CNTLN: variants seen among roughly 807,000 people sequenced by gnomAD.
The protein encoded by CNTLN is centlein, centrosomal protein.
CNTLN carries 212 observed loss-of-function variants against 180.0 expected under a neutral mutation model. The ratio of observed to expected loss-of-function variants is 1.18; its 90% CI spans 1.05 to 1.32. CNTLN has a LOEUF of 1.32. CNTLN is among the 40% of genes most tolerant of loss of function. The probability of loss-of-function intolerance (pLI) is 0.00; values close to 1 mark genes in which losing one functional copy is unlikely to be tolerated. For synonymous variants in CNTLN, 722 were observed against 563.1 expected (o/e 1.28, Z -3.99); for missense variants, 2,095 against 1,610.9 (o/e 1.30, Z -5.14).
the CNTLN span, among the ~76,000 whole-genome samples, chr9:17,518,901 A>C: frequency 6.6e-6 from 1 of 152,196 alleles, no homozygotes; most frequent in Non-Finnish European, 1.5e-5. Flanking sequence ...ATAAGAAATA[A>C]GCTTCTGCTG....
At chr9:17,322,868 T>C (rs766548976) in intron 8 of CNTLN, among the ~76,000 whole-genome samples, 3 of 152,208 alleles carry the variant, frequency 2.0e-5, no homozygotes, top group Non-Finnish European at 4.4e-5. Context: ...TTGTAAAATA[T>C]AAAACCTATG....
In CNTLN at chr9:17,325,799, G is replaced by A. The variant is rs190166327; in HGVS notation, c.1342-4833G>A. Among the ~76,000 whole-genome samples, 676 of 151,778 alleles carry A rather than the reference G, an allele frequency of 4.5e-3. 2 individuals are homozygous for A. Among genetic ancestry groups the A allele is most frequent in the African/African-American group, 0.015 (631 of 41,418 alleles). On this transcript the variant is annotated intron_variant, in intron 8 of 25. Transcript: ENST00000380647. ...GGAACTAAACACTTTTTTGCTAAAT[G>A]CTAATTATTATCATCATTGCAATGT...
chr9:17,302,809 A>G (rs1818464392), intron 7 of CNTLN, among the ~76,000 whole-genome samples: 1 of 152,236 alleles, frequency 6.6e-6, no homozygotes, highest in South Asian at 2.1e-4. Context: ...GAAACAAAAT[A>G]CAAGTGAGAA....
chr9:17,490,562 G>C (rs981940316), intron 25 of CNTLN, among the ~76,000 whole-genome samples: 6 of 152,000 alleles, frequency 3.9e-5, no homozygotes, highest in Non-Finnish European at 8.8e-5. Flanking sequence ...CAGTATGTTT[G>C]TGGTTGCCAG....
intron 6 of CNTLN, among the ~76,000 whole-genome samples, chr9:17,296,229 GACCTCAGGTGATCCATCT>G (rs1229710107): frequency 2.0e-5 from 3 of 152,108 alleles, no homozygotes; most frequent in East Asian, 3.9e-4. Flanking sequence ...TCGAACTCCT[GACCTCAGGTGATCCATCT>G]ACCTCAGGTG....
At position 17,165,446 on chromosome 9, in the gene CNTLN, A is replaced by G. The variant is rs571786154; in HGVS notation, c.449+22070A>G. Among the ~76,000 whole-genome samples the G allele has an allele frequency of 4.6e-5, 7 of 152,314 alleles. 1 individual carries two copies. In the South Asian group the frequency reaches 1.4e-3, roughly 32 times the overall value. On this transcript the variant is annotated intron_variant, in intron 2 of 25. Transcript: ENST00000380647. ...ATGTAAGGTGAATTGATAAGTGGTA[A>G]CTGACTTAGCAGAATGGGGAAAGTT...
chr9:17,367,048 C>T (rs1823885216), intron 13 of CNTLN, among the ~76,000 whole-genome samples: 1 of 152,182 alleles, frequency 6.6e-6, no homozygotes, highest in Non-Finnish European at 1.5e-5. Flanking sequence ...GGTGAGCACT[C>T]ACAGTACCTG....
At chr9:17,177,441 G>A (rs1416576869) in intron 2 of CNTLN, among the ~76,000 whole-genome samples, 1 of 152,124 alleles carries the variant, frequency 6.6e-6, no homozygotes, top group African/African-American at 2.4e-5. Context: ...GTTTCTTGAA[G>A]TGGAAATGTG....
chr9:17,171,301 A>G (rs908374047), intron 2 of CNTLN, among the ~76,000 whole-genome samples: 2 of 152,150 alleles, frequency 1.3e-5, no homozygotes, highest in Non-Finnish European at 2.9e-5. Context: ...GACTTTACAC[A>G]TTGATTTCAG....
chr9:17,409,663 A>G (rs1827687801), intron 16 of CNTLN, among the ~76,000 whole-genome samples, 190 bp downstream of exon 16: 1 of 152,122 alleles, frequency 6.6e-6, no homozygotes, highest in African/African-American at 2.4e-5. Flanking sequence ...TTTTTCATAG[A>G]CGAAAATAAA....
At chr9:17,187,555 CAAAT>C (rs1821508891) in intron 2 of CNTLN, among the ~76,000 whole-genome samples, 1 of 151,864 alleles carries the variant, frequency 6.6e-6, no homozygotes, top group South Asian at 2.1e-4. Flanking sequence ...TTTTTCTGTG[CAAAT>C]AAATTATTTA....
chr9:17,517,584 T>C, the CNTLN span, among the ~76,000 whole-genome samples: 1 of 151,884 alleles, frequency 6.6e-6, no homozygotes, highest in South Asian at 2.1e-4. Context: ...AAGAGGACCA[T>C]GTGCAGACGG....
chr9:17,296,670 C>A (rs1397745598), intron 6 of CNTLN, among the ~76,000 whole-genome samples: 2 of 152,012 alleles, frequency 1.3e-5, no homozygotes, highest in African/African-American at 4.8e-5. Context: ...TTTTCCCCTC[C>A]TCTTGTATTA....
chr9:17,332,782 C>A (rs1297235719), intron 10 of CNTLN, 52 bp downstream of exon 10: 4 of 1,440,606 alleles, frequency 2.8e-6, no homozygotes, highest in South Asian at 2.9e-5. Flanking sequence ...TAAAAATATA[C>A]CAAAGTAAAC....
At chr9:17,308,926 T>G (rs1258678544) in intron 7 of CNTLN, 132 bp from the exon 8 acceptor site, 2 of 418,700 alleles carry the variant, frequency 4.8e-6, no homozygotes, top group African/African-American at 4.1e-5. Flanking sequence ...TCTCTGAGAC[T>G]ATTAAAATAA....
intron 2 of CNTLN, among the ~76,000 whole-genome samples, chr9:17,188,270 T>C (rs1458573713): frequency 6.6e-6 from 1 of 151,966 alleles, no homozygotes; most frequent in East Asian, 1.9e-4. Context: ...CACGTTTAGA[T>C]TTGTTATTTG....
At position 17,366,623 on chromosome 9, in the gene CNTLN, T is replaced by C. The variant is rs758160445; in HGVS notation, c.1893T>C (p.Asn631=). 6.1e-6 allele frequency: 9 copies of C among 1,485,708 alleles called. 1 individual carries two copies. In the South Asian group the frequency reaches 1.1e-4, roughly 18 times the overall value. The allele number at this position is 1,485,708 out of a possible 1,614,324, so 92.0% of individuals were successfully genotyped here. The change falls in exon 13 of 26, where the codon AAT becomes AAC. Residue 631 remains asparagine (N), a synonymous_variant. Transcript: ENST00000380647. ...ENQELMIQKM[N]LEEELDELKV... ...GTTTATTGCTTTTTCATAGGATGAA[T>C]CTTGAAGAAGAATTAGATGAACTTA... is the stretch of plus-strand genomic sequence containing the variant.
intron 16 of CNTLN, 63 bp downstream of exon 16, chr9:17,409,536 C>A: frequency 8.3e-7 from 1 of 1,199,702 alleles, no homozygotes; most frequent in Non-Finnish European, 1.2e-6. Flanking sequence ...TGCTTTATAA[C>A]TTAAGTAAAT....
At chr9:17,220,919 G>A (rs1824091716) in intron 2 of CNTLN, among the ~76,000 whole-genome samples, 1 of 152,050 alleles carries the variant, frequency 6.6e-6, no homozygotes, top group African/African-American at 2.4e-5. Context: ...GGGTGCATAT[G>A]TCTTTATATG....
Sources: allele counts gnomAD v4.1 joint callset (sites outside exome capture counted in the v4.1 genomes callset), GRCh38; gene constraint gnomAD v4.1.1; transcripts MANE v1.5; gene names NCBI Gene and HGNC (gene_info 2026-07-23, HGNC 2026-07-21).